The following UTRN variants were observed in gnomAD, a reference collection of about 807,000 sequenced individuals.
The protein encoded by UTRN is dystrophin-related protein 1.
A neutral mutation model predicts 463.9 loss-of-function variants in UTRN; 283 were observed. The observed-to-expected ratio is 0.61, with a 90% CI of 0.55 to 0.67. UTRN has a LOEUF of 0.67. Among genes scored for constraint, UTRN ranks in the 30% least tolerant of loss-of-function variants. The pLI, the probability that UTRN is intolerant of heterozygous loss-of-function variation, is 0.00. For synonymous variants in UTRN, 1,442 were observed against 1,431.5 expected, an observed-to-expected ratio of 1.01 and a Z score of -0.17; for missense variants, 3,922 against 4,084.3, an observed-to-expected ratio of 0.96 and a Z score of 1.08.
chr6:144,477,617 C>G (rs1449659321), intron 25 of UTRN, among the ~76,000 whole-genome samples: 1 of 151,926 alleles, frequency 6.6e-6, no homozygotes, highest in Non-Finnish European at 1.5e-5. Context: ...CATCATGACA[C>G]TTCACCCCTA....
intron 2 of UTRN, among the ~76,000 whole-genome samples, chr6:144,301,536 C>CTTTTTTTTTTTTTT (rs200484231): frequency 1.2e-4 from 11 of 92,744 alleles, no homozygotes; most frequent in East Asian, 8.2e-4. Context: ...TTCTTTCTTT[C>CTTTTTTTTTTTTTT]TTTTTTTTTT....
At chr6:144,327,921 G>T (rs1776076719) in intron 2 of UTRN, among the ~76,000 whole-genome samples, 1 of 152,118 alleles carries the variant, frequency 6.6e-6, no homozygotes, top group African/African-American at 2.4e-5. Context: ...TCCAGCCTGG[G>T]CAACAAGGGC....
intron 2 of UTRN, among the ~76,000 whole-genome samples, chr6:144,328,606 T>C (rs1048110492): frequency 5.5e-5 from 7 of 127,298 alleles, no homozygotes; most frequent in Admixed American, 1.5e-4. Context: ...TTTAAGGAAA[T>C]ATTATTTCCT....
chr6:144,348,856 C>T (rs1456262770), intron 2 of UTRN, among the ~76,000 whole-genome samples: 1 of 152,028 alleles, frequency 6.6e-6, no homozygotes, highest in Non-Finnish European at 1.5e-5. Context: ...ATTGCTTGAA[C>T]CTAGGAGGCA....
At chr6:144,604,771 C>T (rs565248527) in intron 51 of UTRN, among the ~76,000 whole-genome samples, 12 of 151,914 alleles carry the variant, frequency 7.9e-5, no homozygotes, top group East Asian at 7.8e-4. Flanking sequence ...AAAAATTAGC[C>T]GGGCATGGTG....
chr6:144,813,176 T>TAA (rs1314976301), intron 65 of UTRN, among the ~76,000 whole-genome samples: 1 of 151,406 alleles, frequency 6.6e-6, no homozygotes, highest in Non-Finnish European at 1.5e-5. Context: ...TTTTTATTTT[T>TAA]ATTTTTATTT....
chr6:144,412,612 A>C (rs7763909), intron 3 of UTRN, among the ~76,000 whole-genome samples: 58 of 152,130 alleles, frequency 3.8e-4, no homozygotes, highest in African/African-American at 1.4e-3. Flanking sequence ...AAAATTTACA[A>C]TGTTATCAGA....
At chr6:144,606,368 TAAC>T (rs976635467) in intron 51 of UTRN, among the ~76,000 whole-genome samples, 32 of 152,330 alleles carry the variant, frequency 2.1e-4, no homozygotes, top group African/African-American at 7.2e-4. Flanking sequence ...GCATTTTCAG[TAAC>T]AACATCTGTT....
intron 53 of UTRN, among the ~76,000 whole-genome samples, chr6:144,703,254 C>G (rs1257353343): frequency 1.3e-5 from 2 of 152,154 alleles, no homozygotes; most frequent in Non-Finnish European, 2.9e-5. Flanking sequence ...GATAAGAAAA[C>G]TGCTGGAGGA....
intron 36 of UTRN, 124 bp downstream of exon 36, chr6:144,514,161 T>A: frequency 2.3e-6 from 3 of 1,316,992 alleles, no homozygotes; most frequent in Non-Finnish European, 3.1e-6. Flanking sequence ...CATTAACATT[T>A]ATTTTGATGG....
At chr6:144,522,304 A>G (rs1239253900) in intron 40 of UTRN, 133 bp downstream of exon 40, 2 of 650,372 alleles carry the variant, frequency 3.1e-6, no homozygotes, top group Admixed American at 7.5e-5. Context: ...ATGTATGACT[A>G]GTAAAGCTTT....
chr6:144,575,443 T>G (rs1332841601), intron 50 of UTRN, among the ~76,000 whole-genome samples: 2 of 152,124 alleles, frequency 1.3e-5, no homozygotes, highest in African/African-American at 4.8e-5. Flanking sequence ...GTAAATAAAG[T>G]CTATTAGATA....
chr6:144,541,810 G>A (rs1228011634), intron 45 of UTRN, among the ~76,000 whole-genome samples: 1 of 152,182 alleles, frequency 6.6e-6, no homozygotes. Context: ...GGAAGGTTTT[G>A]TTGAAAAGAT....
chr6:144,484,504 G>A (rs183238496), intron 27 of UTRN, among the ~76,000 whole-genome samples: 15 of 139,994 alleles, frequency 1.1e-4, no homozygotes, highest in Admixed American at 5.4e-4. Context: ...GGGCAGTGGC[G>A]TGGCCTGGGC....
intron 53 of UTRN, among the ~76,000 whole-genome samples, chr6:144,722,760 A>C (rs953967369): frequency 2.0e-5 from 3 of 152,150 alleles, no homozygotes; most frequent in Admixed American, 1.3e-4. Context: ...ATTGGAGAGC[A>C]ATTAGAGACG....
intron 32 of UTRN, among the ~76,000 whole-genome samples, chr6:144,492,229 G>T (rs576067049): frequency 1.2e-3 from 177 of 152,114 alleles, no homozygotes; most frequent in Non-Finnish European, 1.2e-3. Context: ...TTATGTGCAT[G>T]TGTGCCCATT....
intron 56 of UTRN, among the ~76,000 whole-genome samples, chr6:144,754,421 G>A: frequency 6.6e-6 from 1 of 151,664 alleles, no homozygotes; most frequent in East Asian, 1.9e-4. Context: ...TCTGTAAGAT[G>A]ATGATAAAAA....
At chr6:144,523,299 T>A in intron 41 of UTRN, 111 bp downstream of exon 41, 2 of 851,710 alleles carry the variant, frequency 2.3e-6, no homozygotes, top group Non-Finnish European at 1.6e-6. Flanking sequence ...CATATCCTTG[T>A]AGGATGCCCT....
intron 71 of UTRN, 136 bp from the exon 72 acceptor site, chr6:144,839,037 A>G (rs750121606): frequency 1.9e-4 from 112 of 602,012 alleles, no homozygotes; most frequent in Admixed American, 4.6e-4. Flanking sequence ...GCTAAAATGT[A>G]TGGAAAACAT....
Sources: gnomAD v4.1 joint callset for allele counts (sites outside exome capture counted in the v4.1 genomes callset) on GRCh38, gnomAD v4.1.1 for gene constraint, MANE v1.5 for transcripts, NCBI Gene and HGNC (gene_info 2026-07-23, HGNC 2026-07-21) for gene names.